The following DLGAP2 variants were observed in gnomAD, a reference collection of about 807,000 sequenced individuals.
DLGAP2 encodes disks large-associated protein 2.
In DLGAP2, 26 loss-of-function variants were observed where a neutral mutation model predicts 100.3. The observed-to-expected ratio is 0.26, with a 90% CI of 0.19 to 0.36. The LOEUF (loss-of-function observed/expected upper bound fraction) is 0.36. Ranked by LOEUF, DLGAP2 falls within the 10% of genes least tolerant of loss-of-function variation. The probability of loss-of-function intolerance (pLI) is 1.00; values close to 1 mark genes in which losing one functional copy is unlikely to be tolerated. For synonymous variants in DLGAP2, 886 were observed against 630.1 expected, an observed-to-expected ratio of 1.41 and a Z score of -6.08; for missense variants, 1,858 against 1,453.2, an observed-to-expected ratio of 1.28 and a Z score of -4.53.
chr8:1,316,533 C>T (rs868310214), intron 3 of DLGAP2, among the ~76,000 whole-genome samples: 17 of 131,204 alleles, frequency 1.3e-4, no homozygotes, highest in Middle Eastern at 3.9e-3. Flanking sequence ...CACTCGGCAG[C>T]GTTTAAAAAT....
intron 3 of DLGAP2, among the ~76,000 whole-genome samples, chr8:1,491,893 T>C (rs1426001364): frequency 6.6e-6 from 1 of 152,170 alleles, no homozygotes; most frequent in African/African-American, 2.4e-5. Context: ...TCGGAAGGCA[T>C]GGTGGTGTTT....
At chr8:1,207,886 C>T (rs1220280936) in intron 2 of DLGAP2, among the ~76,000 whole-genome samples, 1 of 151,946 alleles carries the variant, frequency 6.6e-6, no homozygotes, top group Non-Finnish European at 1.5e-5. Context: ...TTGCCTATTC[C>T]TGTCCCTGGC....
chr8:1,331,414 G>A (rs973068294), intron 3 of DLGAP2, among the ~76,000 whole-genome samples: 2 of 152,090 alleles, frequency 1.3e-5, no homozygotes, highest in South Asian at 2.1e-4. Context: ...AAATGTGTCC[G>A]TCCCTCCCCT....
chr8:1,449,830 G>T (rs1441917728), intron 3 of DLGAP2, among the ~76,000 whole-genome samples: 1 of 145,090 alleles, frequency 6.9e-6, no homozygotes, highest in African/African-American at 2.5e-5. Flanking sequence ...GGCCTCGGTG[G>T]CTGTGACTGT....
At position 1,466,451 on chromosome 8, in the gene DLGAP2, G is replaced by A. The variant is rs138383865; in HGVS notation, c.107-34915G>A. Reference sequence around the variant, plus strand: ...GCAGTGACCCTGTGGAGACACGGTGGCTCAAAAGGGAATTTTTTTTCTTGG... The same window carrying A: ...GCAGTGACCCTGTGGAGACACGGTGACTCAAAAGGGAATTTTTTTTCTTGG... On this transcript the variant is annotated intron_variant, in intron 3 of 14. Coordinates refer to ENST00000637795, the MANE Select transcript of DLGAP2 (RefSeq NM_001346810.2). Among the ~76,000 whole-genome samples the A allele has an allele frequency of 3.2e-3, 494 of 152,098 alleles. 5 individuals are homozygous for A. The highest frequency in any genetic ancestry group is 0.011 in the African/African-American group (468 of 41,486).
intron 2 of DLGAP2, among the ~76,000 whole-genome samples, chr8:1,184,968 A>G (rs79820797): frequency 0.12 from 18,221 of 152,054 alleles, 2,143 homozygotes; most frequent in African/African-American, 0.31. Flanking sequence ...CAGGTTTGCT[A>G]GGGAGCTCAG....
At chr8:1,376,003 GGCCTC>G (rs1802375949) in intron 3 of DLGAP2, among the ~76,000 whole-genome samples, 8 of 12,122 alleles carry the variant, frequency 6.6e-4, no homozygotes, top group South Asian at 4.0e-3. Flanking sequence ...CCCTCTCCAC[GGCCTC>G]AGAACTGAGC....
chr8:1,356,074 G>T (rs541241539), intron 3 of DLGAP2, among the ~76,000 whole-genome samples: 1 of 152,196 alleles, frequency 6.6e-6, no homozygotes, highest in Non-Finnish European at 1.5e-5. Context: ...CTCACACTAC[G>T]CCAGCCAGTG....
intron 5 of DLGAP2, among the ~76,000 whole-genome samples, chr8:1,555,364 C>G (rs1016715215): frequency 6.6e-6 from 1 of 152,186 alleles, no homozygotes; most frequent in African/African-American, 2.4e-5. Flanking sequence ...TGTGCCTGCC[C>G]CCCACACTCT....
Position 1,701,561 on chromosome 8 carries a change from G to T in DLGAP2, c.*155G>T, listed in dbSNP as rs941063890. The T allele has an allele frequency of 5.1e-6, 4 of 790,636 alleles. No individual in the cohort carries two copies. Among genetic ancestry groups the T allele is most frequent in the Non-Finnish European group, 7.8e-6 (4 of 514,442 alleles). 49.0% of individuals were successfully genotyped at this position (790,636 alleles called of 1,614,324 possible). A position where few individuals can be genotyped will look rare whatever the true frequency, so the allele number is the denominator to read the frequency against. Reference sequence around the variant, plus strand: ...CGGACACAGCGGGACGCGGCCGGCGGCCTCAGAGTCCACGGAGCTCGCGGC... The same window carrying T: ...CGGACACAGCGGGACGCGGCCGGCGTCCTCAGAGTCCACGGAGCTCGCGGC... On this transcript the variant is annotated 3_prime_UTR_variant, in exon 15 of 15. Coordinates refer to ENST00000637795, the MANE Select transcript of DLGAP2 (RefSeq NM_001346810.2).
chr8:1,557,670 G>T (rs1393111390), intron 5 of DLGAP2, among the ~76,000 whole-genome samples: 1 of 152,154 alleles, frequency 6.6e-6, no homozygotes, highest in African/African-American at 2.4e-5. Context: ...CTGGTGGCTG[G>T]TGCCCAAGAC....
intron 2 of DLGAP2, among the ~76,000 whole-genome samples, chr8:1,195,008 C>G (rs77033192): frequency 0.025 from 3,777 of 152,336 alleles, 179 homozygotes; most frequent in African/African-American, 0.087. Context: ...TCCTCGTGCC[C>G]TGCTCTCCTG....
Position 1,668,431 on chromosome 8 carries a change from C to T in DLGAP2, c.1913C>T (p.Thr638Ile), listed in dbSNP as rs1279305799. 3 of 1,602,622 alleles carry T rather than the reference C, an allele frequency of 1.9e-6. No individual in the cohort carries two copies. The highest frequency in any genetic ancestry group is 2.6e-6 in the Non-Finnish European group (3 of 1,175,228). The change falls in exon 9 of 15, where the codon ACC (threonine) becomes ATC (isoleucine). Residue 638 changes from threonine to isoleucine, a missense_variant. By Grantham distance (89) the Thr-to-Ile change is moderately conservative. Transcript: ENST00000637795. Reference sequence around the variant, plus strand: ...ACGGCGCAGAGCAGCACCGAATCCACCCAGGACGCCTACCAGGACAGCCGC... The same window carrying T: ...ACGGCGCAGAGCAGCACCGAATCCATCCAGGACGCCTACCAGGACAGCCGC... ...SVTAQSSTES[T>I]QDAYQDSRAQ...
intron 6 of DLGAP2, among the ~76,000 whole-genome samples, chr8:1,599,970 T>C (rs979577095): frequency 6.6e-6 from 1 of 152,222 alleles, no homozygotes; most frequent in African/African-American, 2.4e-5. Flanking sequence ...ATAGTGTCGA[T>C]GGTCTTTACA....
chr8:1,225,269 G>C (rs189720389), intron 2 of DLGAP2, among the ~76,000 whole-genome samples: 1 of 152,356 alleles, frequency 6.6e-6, no homozygotes, highest in East Asian at 1.9e-4. Flanking sequence ...GGGATTGGTA[G>C]ATGTTACAGC....
chr8:1,306,437 G>A (rs1374260999), intron 3 of DLGAP2, among the ~76,000 whole-genome samples: 2 of 152,148 alleles, frequency 1.3e-5, no homozygotes, highest in African/African-American at 4.8e-5. Flanking sequence ...AGACATTAAA[G>A]ACACTAATGA....
At chr8:1,161,758 C>A (rs985706669) in intron 2 of DLGAP2, among the ~76,000 whole-genome samples, 23 of 151,502 alleles carry the variant, frequency 1.5e-4, no homozygotes, top group African/African-American at 5.1e-4. Flanking sequence ...GATGAAGCCT[C>A]CCCCGGGTGC....
intron 2 of DLGAP2, among the ~76,000 whole-genome samples, chr8:928,525 G>A (rs906185142): frequency 1.3e-5 from 2 of 152,120 alleles, no homozygotes; most frequent in African/African-American, 4.8e-5. Context: ...GGGTGATGCT[G>A]GCGGGGACTG....
At chr8:1,302,968 C>T (rs888443260) in intron 3 of DLGAP2, among the ~76,000 whole-genome samples, 10 of 152,230 alleles carry the variant, frequency 6.6e-5, no homozygotes, top group Non-Finnish European at 1.2e-4. Context: ...ATTCCATCGC[C>T]GCAGGAGTCA....
Sources: gnomAD v4.1 joint callset for allele counts (sites outside exome capture counted in the v4.1 genomes callset) on GRCh38, gnomAD v4.1.1 for gene constraint, MANE v1.5 for transcripts, NCBI Gene and HGNC (gene_info 2026-07-23, HGNC 2026-07-21) for gene names.